Variants in DLG2 observed in about 807,000 individuals in gnomAD.
The protein encoded by DLG2 is disks large homolog 2.
In DLG2, 45 loss-of-function variants were observed where a neutral mutation model predicts 132.5. That is an observed-to-expected ratio of 0.34 (90% CI 0.27 to 0.44). DLG2 has a LOEUF of 0.44. Ranked by LOEUF, DLG2 falls within the 20% of genes least tolerant of loss-of-function variation. DLG2 has a pLI of 1.00. For missense variants in DLG2, 1,045 were observed against 1,196.9 expected, an observed-to-expected ratio of 0.87 and a Z score of 1.87; for synonymous variants, 424 against 419.6, an observed-to-expected ratio of 1.01 and a Z score of -0.13.
At chr11:84,381,968 G>C (rs1467967799) in intron 7 of DLG2, among the ~76,000 whole-genome samples, 1 of 152,124 alleles carries the variant, frequency 6.6e-6, no homozygotes, top group African/African-American at 2.4e-5. Context: ...TGGATTTACA[G>C]TCATATCAAA....
intron 15 of DLG2, among the ~76,000 whole-genome samples, chr11:83,880,921 A>C (rs2066065806): frequency 1.3e-5 from 2 of 151,902 alleles, no homozygotes; most frequent in Non-Finnish European, 2.9e-5. Context: ...CATTCATAAC[A>C]CTTTTGATTC....
At chr11:84,982,102 CT>C (rs1459120452) in intron 6 of DLG2, among the ~76,000 whole-genome samples, 1 of 152,134 alleles carries the variant, frequency 6.6e-6, no homozygotes. Context: ...AGTCTCTCTA[CT>C]TTGTAGGCTC....
chr11:84,503,580 G>C (rs2099228784), intron 7 of DLG2, among the ~76,000 whole-genome samples: 1 of 152,148 alleles, frequency 6.6e-6, no homozygotes, highest in African/African-American at 2.4e-5. Flanking sequence ...GAACAGGTGA[G>C]TTGAGAGACC....
At chr11:84,248,589 C>T in intron 8 of DLG2, among the ~76,000 whole-genome samples, 1 of 152,168 alleles carries the variant, frequency 6.6e-6, no homozygotes, top group East Asian at 1.9e-4. Context: ...GGAATAGTGG[C>T]TTACACTCGT....
chr11:84,376,815 A>G (rs1231159225), intron 7 of DLG2, among the ~76,000 whole-genome samples: 1 of 151,984 alleles, frequency 6.6e-6, no homozygotes, highest in Non-Finnish European at 1.5e-5. Flanking sequence ...TCCTACACAA[A>G]CTGAGCATCA....
chr11:83,736,346 T>C (rs1397587916), intron 18 of DLG2, among the ~76,000 whole-genome samples: 3 of 152,120 alleles, frequency 2.0e-5, no homozygotes, highest in Non-Finnish European at 4.4e-5. Context: ...TTTAATATTA[T>C]TATTACTAGA....
chr11:83,932,967 T>C (rs2080647899), intron 14 of DLG2, among the ~76,000 whole-genome samples: 1 of 152,126 alleles, frequency 6.6e-6, no homozygotes, highest in South Asian at 2.1e-4. Flanking sequence ...TGCCCATAGT[T>C]CCTGTGAGAG....
At chr11:85,322,393 C>T (rs1455074572) in intron 3 of DLG2, among the ~76,000 whole-genome samples, 1 of 152,096 alleles carries the variant, frequency 6.6e-6, no homozygotes, top group Non-Finnish European at 1.5e-5. Flanking sequence ...AAATCATTTG[C>T]CTAACCTATA....
intron 18 of DLG2, among the ~76,000 whole-genome samples, chr11:83,721,972 C>T (rs1268982311): frequency 6.6e-6 from 1 of 152,010 alleles, no homozygotes; most frequent in Non-Finnish European, 1.5e-5. Flanking sequence ...GACAGTTTGC[C>T]AAGGCATATA....
intron 7 of DLG2, among the ~76,000 whole-genome samples, chr11:84,470,580 A>C (rs181960132): frequency 4.6e-5 from 7 of 151,918 alleles, no homozygotes; most frequent in African/African-American, 1.7e-4. Context: ...AAAGCAAGAA[A>C]TCAAAGAACA....
At chr11:83,810,367 A>G (rs1464025668) in intron 17 of DLG2, among the ~76,000 whole-genome samples, 1 of 152,130 alleles carries the variant, frequency 6.6e-6, no homozygotes, top group Non-Finnish European at 1.5e-5. Context: ...GTGTGTATGT[A>G]TACATGTATA....
At chr11:83,938,028 T>C (rs1489759883) in intron 14 of DLG2, among the ~76,000 whole-genome samples, 1 of 152,196 alleles carries the variant, frequency 6.6e-6, no homozygotes. Context: ...GGAAAGTCAT[T>C]GTGATTTGTT....
intron 18 of DLG2, chr11:83,724,748 G>T (rs1223089678): frequency 1.5e-6 from 1 of 658,878 alleles, no homozygotes; most frequent in Non-Finnish European, 2.8e-6. Flanking sequence ...GCTGTTTTAG[G>T]AAGGAAAGGG....
chr11:84,193,146 A>C (rs572256647), intron 8 of DLG2, among the ~76,000 whole-genome samples: 1 of 152,314 alleles, frequency 6.6e-6, no homozygotes, highest in South Asian at 2.1e-4. Flanking sequence ...TGACATTATT[A>C]ATGGAATCCT....
At chr11:84,463,856 T>C (rs1330669223) in intron 7 of DLG2, among the ~76,000 whole-genome samples, 1 of 151,182 alleles carries the variant, frequency 6.6e-6, no homozygotes, top group African/African-American at 2.4e-5. Context: ...ATACCAGACT[T>C]GATCGACCTA....
At chr11:84,842,026 C>T (rs971624457) in intron 6 of DLG2, among the ~76,000 whole-genome samples, 1 of 151,952 alleles carries the variant, frequency 6.6e-6, no homozygotes, top group Non-Finnish European at 1.5e-5. Context: ...ACCTTTATGG[C>T]TATTTTTACT....
At chr11:85,240,270 T>G (rs2075810888) in intron 4 of DLG2, among the ~76,000 whole-genome samples, 1 of 151,904 alleles carries the variant, frequency 6.6e-6, no homozygotes, top group African/African-American at 2.4e-5. Context: ...GCTCATTATA[T>G]GATCATTATA....
intron 6 of DLG2, among the ~76,000 whole-genome samples, chr11:84,626,954 C>T (rs1458382810): frequency 6.6e-6 from 1 of 151,866 alleles, no homozygotes; most frequent in Admixed American, 6.6e-5. Flanking sequence ...TCACTGCAAC[C>T]TCTGCCTCCC....
intron 15 of DLG2, among the ~76,000 whole-genome samples, chr11:83,890,492 T>G (rs1280146849): frequency 6.6e-6 from 1 of 152,112 alleles, no homozygotes; most frequent in Non-Finnish European, 1.5e-5. Flanking sequence ...CTTTATTGAG[T>G]GTAGATGGGA....
Sources: allele counts gnomAD v4.1 joint callset (sites outside exome capture counted in the v4.1 genomes callset), GRCh38; gene constraint gnomAD v4.1.1; transcripts MANE v1.5; gene names NCBI Gene and HGNC (gene_info 2026-07-23, HGNC 2026-07-21).